The following FGF12 variants were observed in gnomAD, a reference collection of about 807,000 sequenced individuals.
The protein encoded by FGF12 is fibroblast growth factor 12B.
Under a neutral mutation model 23.6 loss-of-function variants are expected in FGF12, and 14 were observed. That is an observed-to-expected ratio of 0.59 (90% CI 0.39 to 0.93). FGF12 has a LOEUF of 0.93. Ranked by LOEUF, FGF12 falls within the 40% of genes least tolerant of loss-of-function variation. FGF12 has a pLI of 0.00. For missense variants in FGF12, 175 were observed against 217.8 expected (o/e 0.80, Z 1.24); for synonymous variants, 62 against 77.3 (o/e 0.80, Z 1.04).
At chr3:192,386,841 TG>T (rs1355763987) in intron 2 of FGF12, among the ~76,000 whole-genome samples, 3 of 152,098 alleles carry the variant, frequency 2.0e-5, no homozygotes, top group Non-Finnish European at 4.4e-5. Flanking sequence ...AGTCAAAAGC[TG>T]GGGAGGCAAA....
intron 2 of FGF12, among the ~76,000 whole-genome samples, chr3:192,518,364 T>A (rs1724732021): frequency 1.3e-5 from 2 of 152,156 alleles, no homozygotes; most frequent in South Asian, 2.1e-4. Context: ...AATTTTTTCT[T>A]TTTAAAAATA....
intron 4 of FGF12, among the ~76,000 whole-genome samples, chr3:192,250,521 T>A (rs114609149): frequency 0.019 from 2,864 of 152,240 alleles, 72 homozygotes; most frequent in African/African-American, 0.054. Context: ...TAGAAAAATA[T>A]ATTAAGATTT....
intron 4 of FGF12, among the ~76,000 whole-genome samples, chr3:192,201,546 T>C (rs2108662297): frequency 6.6e-6 from 1 of 152,310 alleles, no homozygotes; most frequent in South Asian, 2.1e-4. Context: ...AGAACTGATA[T>C]AGCTCCAATC....
In FGF12 at chr3:192,408,165, T is replaced by G; in HGVS notation, c.14-47627A>C. ...CTTGGAGGCCGACACTCGGTCGCTG[T>G]TGGACTCCCTCGCCTGCCGCTTCTG... On this transcript the variant is annotated intron_variant, in intron 2 of 5. Coordinates refer to ENST00000445105, the MANE Select transcript of FGF12 (RefSeq NM_004113.6). The surrounding 1 kb of genome is among the most constrained non-coding windows in gnomAD (Gnocchi z 7.3). The G allele has an allele frequency of 6.2e-7, 1 of 1,610,566 alleles. No individual in the cohort carries two copies. The highest frequency in any genetic ancestry group is 8.5e-7 in the Non-Finnish European group (1 of 1,179,854).
chr3:192,185,857 T>C (rs1288414636), intron 4 of FGF12, among the ~76,000 whole-genome samples: 1 of 132,326 alleles, frequency 7.6e-6, no homozygotes, highest in African/African-American at 2.8e-5. Context: ...AGGCTCCGTC[T>C]AAAAAAAAAA....
chr3:192,426,246 G>C (rs1478000284), intron 2 of FGF12, among the ~76,000 whole-genome samples: 1 of 152,118 alleles, frequency 6.6e-6, no homozygotes, highest in African/African-American at 2.4e-5. Flanking sequence ...GGGGGGAAAT[G>C]GTGCCCTCCA....
At chr3:192,342,372 T>C (rs1314672327) in intron 3 of FGF12, among the ~76,000 whole-genome samples, 1 of 152,122 alleles carries the variant, frequency 6.6e-6, no homozygotes, top group African/African-American at 2.4e-5. Context: ...ATGGGATGCA[T>C]AGGCCTGGTA....
At chr3:192,362,539 G>A (rs1718781292) in intron 2 of FGF12, among the ~76,000 whole-genome samples, 1 of 152,096 alleles carries the variant, frequency 6.6e-6, no homozygotes, top group South Asian at 2.1e-4. Flanking sequence ...TCTGCCTTTG[G>A]CTACCTGGCT....
chr3:192,510,811 AC>A (rs1456412381), intron 2 of FGF12, among the ~76,000 whole-genome samples: 1 of 152,208 alleles, frequency 6.6e-6, no homozygotes, highest in Non-Finnish European at 1.5e-5. Flanking sequence ...GAGCTATTAC[AC>A]CATGAAAAGA....
chr3:192,200,699 T>G (rs1388444600), intron 4 of FGF12, among the ~76,000 whole-genome samples: 1 of 152,162 alleles, frequency 6.6e-6, no homozygotes, highest in African/African-American at 2.4e-5. Context: ...CAAGACATAC[T>G]TGTCCTCTCA....
intron 2 of FGF12, among the ~76,000 whole-genome samples, chr3:192,481,738 G>A (rs76172750): frequency 0.024 from 3,615 of 152,222 alleles, 127 homozygotes; most frequent in African/African-American, 0.081. Flanking sequence ...CACTCGACCA[G>A]CCCACCCTGA....
intron 2 of FGF12, among the ~76,000 whole-genome samples, chr3:192,442,605 T>A (rs138484890): frequency 2.8e-4 from 43 of 152,270 alleles, no homozygotes; most frequent in Middle Eastern, 6.8e-3. Context: ...GGAGAGAAGA[T>A]GATAAAGAAA....
At chr3:192,538,876 C>T (rs971780001) in intron 2 of FGF12, among the ~76,000 whole-genome samples, 1 of 151,902 alleles carries the variant, frequency 6.6e-6, no homozygotes, top group Admixed American at 6.6e-5. Context: ...AAATTAATTC[C>T]TAGATATTTT....
At chr3:192,532,768 A>C (rs1725123879) in intron 2 of FGF12, among the ~76,000 whole-genome samples, 1 of 152,198 alleles carries the variant, frequency 6.6e-6, no homozygotes, top group African/African-American at 2.4e-5. Flanking sequence ...TTTTAGCAAG[A>C]AACATGAACA....
intron 4 of FGF12, among the ~76,000 whole-genome samples, chr3:192,272,155 A>G (rs552939146): frequency 6.6e-6 from 1 of 152,310 alleles, no homozygotes; most frequent in South Asian, 2.1e-4. Flanking sequence ...GAGTCATCTG[A>G]AAATTAAACA....
At chr3:192,476,920 T>C (rs577346953) in intron 2 of FGF12, among the ~76,000 whole-genome samples, 3 of 152,286 alleles carry the variant, frequency 2.0e-5, no homozygotes, top group African/African-American at 2.4e-5. Flanking sequence ...GATGATTAAG[T>C]TGATATCAGA....
chr3:192,550,509 G>T (rs1725607231), intron 2 of FGF12, among the ~76,000 whole-genome samples: 1 of 151,470 alleles, frequency 6.6e-6, no homozygotes, highest in Non-Finnish European at 1.5e-5. Context: ...CATGAACCAT[G>T]GTTCTCTGAA....
intron 4 of FGF12, among the ~76,000 whole-genome samples, chr3:192,272,428 T>C (rs1713505841): frequency 6.6e-6 from 1 of 152,122 alleles, no homozygotes; most frequent in Admixed American, 6.6e-5. Context: ...TTTAAAACAT[T>C]TTTAAATAAA....
At chr3:192,334,700 T>A (rs546876077) in intron 4 of FGF12, among the ~76,000 whole-genome samples, 2 of 152,140 alleles carry the variant, frequency 1.3e-5, no homozygotes, top group African/African-American at 4.8e-5. Flanking sequence ...AAAGACATGA[T>A]ACAACATTGT....
Sources: allele counts gnomAD v4.1 joint callset (sites outside exome capture counted in the v4.1 genomes callset), GRCh38; gene constraint gnomAD v4.1.1; non-coding constraint Gnocchi (gnomAD v3.1); transcripts MANE v1.5; gene names NCBI Gene and HGNC (gene_info 2026-07-23, HGNC 2026-07-21).